Variants in PCDH15 observed in about 807,000 individuals in gnomAD.
PCDH15 encodes the protein protocadherin related 15, also known as protocadherin-15.
Under a neutral mutation model 178.5 loss-of-function variants are expected in PCDH15, and 129 were observed. That is an observed-to-expected ratio of 0.72 (90% CI 0.63 to 0.84). PCDH15 has a LOEUF of 0.84. Ranked by LOEUF, PCDH15 falls within the 40% of genes least tolerant of loss-of-function variation. The pLI is 0.00. For synonymous variants in PCDH15, 800 were observed against 732.0 expected, an observed-to-expected ratio of 1.09 and a Z score of -1.50; for missense variants, 2,230 against 2,099.9, an observed-to-expected ratio of 1.06 and a Z score of -1.21.
intron 2 of PCDH15, among the ~76,000 whole-genome samples, chr10:55,368,944 G>A (rs1474062180): frequency 7.2e-6 from 1 of 138,012 alleles, no homozygotes; most frequent in East Asian, 2.4e-4. Flanking sequence ...AATAACCAAA[G>A]TGTCTTTATA....
chr10:54,759,120 T>C (rs2133112644), intron 1 of PCDH15, among the ~76,000 whole-genome samples: 1 of 152,244 alleles, frequency 6.6e-6, no homozygotes, highest in Non-Finnish European at 1.5e-5. Context: ...ACAGGTGAAA[T>C]AAAATCACTT....
At chr10:55,366,014 G>T (rs1369097791) in intron 2 of PCDH15, 1 of 152,090 alleles carries the variant, frequency 6.6e-6, no homozygotes, top group Admixed American at 6.6e-5. Context: ...ATCCTGTCAA[G>T]AGTCAAAGCT....
intron 6 of PCDH15, among the ~76,000 whole-genome samples, chr10:54,332,309 TATAATATAATATAATCTATATTATA>T (rs1408674506): frequency 8.0e-5 from 6 of 75,424 alleles, no homozygotes; most frequent in Admixed American, 1.5e-4. Flanking sequence ...TATTATTATA[TATAATATAATATAATCTATATTATA>T]TATTATTATA....
At chr10:55,241,087 A>G (rs994556312) in intron 1 of PCDH15, among the ~76,000 whole-genome samples, 7 of 152,054 alleles carry the variant, frequency 4.6e-5, no homozygotes, top group Non-Finnish European at 1.0e-4. Flanking sequence ...GTGGTGGCAC[A>G]CACCTGTAGT....
chr10:54,195,991 TATC>T lies in PCDH15; in HGVS notation c.1099-105_1099-103del, dbSNP rs2049590556. The T allele has an allele frequency of 4.0e-6, 4 of 989,480 alleles. No individual in the cohort carries two copies. The South Asian group carries it at 4.4e-5, about 11-fold the overall frequency. 61.3% of individuals were successfully genotyped at this position (989,480 alleles called of 1,614,324 possible). ...TATATAGGGTTCTCTTTTTAACTAA[TATC>T]ATCACATAAGGAAAAAATACGTTAA... On this transcript the variant is annotated intron_variant, in intron 10 of 37. Coordinates refer to ENST00000644397, the MANE Select transcript of PCDH15 (RefSeq NM_001384140.1).
chr10:54,652,664 G>A (rs1892343), intron 2 of PCDH15, among the ~76,000 whole-genome samples: 12,577 of 152,180 alleles, frequency 0.083, 532 homozygotes, highest in African/African-American at 0.12. Flanking sequence ...GAGACATCAC[G>A]GGTGTGCCTG....
At chr10:54,391,040 C>T (rs1048268903) in intron 3 of PCDH15, among the ~76,000 whole-genome samples, 31 of 152,166 alleles carry the variant, frequency 2.0e-4, no homozygotes, top group African/African-American at 5.8e-4. Flanking sequence ...TGATGACCTT[C>T]TGTTTCCCCA....
intron 3 of PCDH15, among the ~76,000 whole-genome samples, chr10:54,863,350 G>A (rs1953878985): frequency 6.6e-6 from 1 of 152,100 alleles, no homozygotes; most frequent in South Asian, 2.1e-4. Flanking sequence ...AGACCATCCT[G>A]GCTAACAAGG....
At chr10:55,509,664 A>G (rs1840836545) in intron 2 of PCDH15, among the ~76,000 whole-genome samples, 1 of 151,844 alleles carries the variant, frequency 6.6e-6, no homozygotes, top group African/African-American at 2.4e-5. Flanking sequence ...GTCATGATAT[A>G]TATTACCTTT....
At chr10:54,523,069 A>T (rs921979627) in intron 3 of PCDH15, among the ~76,000 whole-genome samples, 5 of 152,196 alleles carry the variant, frequency 3.3e-5, no homozygotes, top group Non-Finnish European at 7.3e-5. Context: ...GCAATATCAT[A>T]GTTTCCAATG....
intron 2 of PCDH15, among the ~76,000 whole-genome samples, chr10:55,401,272 G>T (rs551509064): frequency 6.6e-6 from 1 of 152,064 alleles, no homozygotes; most frequent in African/African-American, 2.4e-5. Context: ...GTGCCAGGAT[G>T]GTAGCTTAGT....
chr10:55,534,773 T>A (rs975288214), intron 2 of PCDH15, among the ~76,000 whole-genome samples: 2 of 152,064 alleles, frequency 1.3e-5, no homozygotes, highest in Non-Finnish European at 2.9e-5. Flanking sequence ...TGTATAATCA[T>A]CACTGCACTA....
chr10:54,168,636 T>C (rs1026503031), intron 13 of PCDH15, among the ~76,000 whole-genome samples: 1 of 151,846 alleles, frequency 6.6e-6, no homozygotes, highest in African/African-American at 2.4e-5. Context: ...TGCTCCTTTT[T>C]CTTTATCCCA....
At chr10:54,578,727 C>T (rs769599986) in intron 2 of PCDH15, among the ~76,000 whole-genome samples, 2 of 152,076 alleles carry the variant, frequency 1.3e-5, no homozygotes, top group Non-Finnish European at 2.9e-5. Context: ...ATCTGCTCCT[C>T]CTTTCCACAA....
At chr10:54,338,703 T>C (rs139838931) in intron 6 of PCDH15, among the ~76,000 whole-genome samples, 4 of 152,240 alleles carry the variant, frequency 2.6e-5, no homozygotes, top group Admixed American at 2.6e-4. Context: ...TGCTTAAGTG[T>C]CTTCATTTTT....
intron 15 of PCDH15, among the ~76,000 whole-genome samples, chr10:54,097,116 T>C (rs1387190792): frequency 6.6e-6 from 1 of 152,178 alleles, no homozygotes; most frequent in Non-Finnish European, 1.5e-5. Context: ...CAACTCTCCA[T>C]AATTTTTCCC....
chr10:55,130,234 AG>A (rs1273454347), intron 2 of PCDH15, among the ~76,000 whole-genome samples: 4 of 152,092 alleles, frequency 2.6e-5, no homozygotes, highest in African/African-American at 9.7e-5. Context: ...GCTTTAGGTA[AG>A]TGGTCAAGGG....
At chr10:55,284,855 T>G in intron 1 of PCDH15, among the ~76,000 whole-genome samples, 1 of 151,920 alleles carries the variant, frequency 6.6e-6, no homozygotes, top group Non-Finnish European at 1.5e-5. Context: ...TTAGAACCAT[T>G]ATATGGTTTA....
chr10:55,222,726 CACACATATATATATATATAT>C (rs1591999991), intron 1 of PCDH15, among the ~76,000 whole-genome samples: 2 of 47,690 alleles, frequency 4.2e-5, no homozygotes, highest in African/African-American at 6.3e-5. Context: ...CACACACACA[CACACATATATATATATATAT>C]ATATATATAT....
Sources: allele counts gnomAD v4.1 joint callset (sites outside exome capture counted in the v4.1 genomes callset), GRCh38; gene constraint gnomAD v4.1.1; transcripts MANE v1.5; gene names NCBI Gene and HGNC (gene_info 2026-07-23, HGNC 2026-07-21).